The following SLC66A2 variants were observed in gnomAD, a reference collection of about 807,000 sequenced individuals.
SLC66A2 encodes PQ loop repeat containing 1.
Under a neutral mutation model 25.5 loss-of-function variants are expected in SLC66A2, and 23 were observed. The ratio of observed to expected loss-of-function variants is 0.90; its 90% CI spans 0.65 to 1.28. The LOEUF is 1.28. Ranked by LOEUF, SLC66A2 falls within the 50% of genes most tolerant of loss-of-function variation. The probability of loss-of-function intolerance (pLI) is 0.00; values close to 1 mark genes in which losing one functional copy is unlikely to be tolerated. For missense variants in SLC66A2, 396 were observed against 373.1 expected, an observed-to-expected ratio of 1.06 and a Z score of -0.51; for synonymous variants, 193 against 166.5, an observed-to-expected ratio of 1.16 and a Z score of -1.23.
chr18:79,925,808 C>T (rs566861902), intron 4 of SLC66A2, among the ~76,000 whole-genome samples: 11 of 152,344 alleles, frequency 7.2e-5, no homozygotes, highest in Admixed American at 2.0e-4. Flanking sequence ...TGATGGCCAA[C>T]GTGTCCAAGG....
chr18:79,944,513 AGTCTCTGCCTCCCTGCG>A (rs1365258248), intron 2 of SLC66A2: 3 of 152,380 alleles, frequency 2.0e-5, no homozygotes, highest in Admixed American at 6.5e-5. Flanking sequence ...AATGACTGGC[AGTCTCTGCCTCCCTGCG>A]GTCTCTGCCT....
chr18:79,903,462 GAGA>G lies in SLC66A2; in HGVS notation c.*511_*513del, dbSNP rs1981534431. On this transcript the variant is annotated 3_prime_UTR_variant, in exon 6 of 6. Coordinates refer to ENST00000397778, the MANE Select transcript of SLC66A2 (RefSeq NM_025078.5). ...GCCGCCTTTCCGTGTGTACCAGGCA[GAGA>G]AAGCCCCAGCCCTCCCCCGTGCCAG... 1 of 157,822 alleles carries G rather than the reference GAGA, an allele frequency of 6.3e-6. No individual in the cohort carries two copies. The highest frequency in any genetic ancestry group is 2.4e-5 in the African/African-American group (1 of 41,526). 9.8% of individuals were successfully genotyped at this position (157,822 alleles called of 1,614,324 possible).
At chr18:79,950,004 T>C (rs974645213) in intron 2 of SLC66A2, among the ~76,000 whole-genome samples, 1 of 152,040 alleles carries the variant, frequency 6.6e-6, no homozygotes, top group African/African-American at 2.4e-5. Flanking sequence ...AAAGAGGAAG[T>C]TGGGGAGAGG....
In SLC66A2 at chr18:79,950,604, G is replaced by A. The variant is rs547767089; in HGVS notation, c.203+120C>T. On this transcript the variant is annotated intron_variant, in intron 2 of 5. Coordinates refer to ENST00000397778, the MANE Select transcript of SLC66A2 (RefSeq NM_025078.5). ...AGCCACGTACCCCATCCACGGCAGA[G>A]TGGGACGCTGGCCCAGCAGGGAGGT... 6.8e-4 allele frequency: 624 copies of A among 912,374 alleles called. 2 individuals are homozygous for A. The African/African-American group carries it at 9.1e-3, about 13-fold the overall frequency. 56.5% of individuals were successfully genotyped at this position (912,374 alleles called of 1,614,324 possible).
chr18:79,923,418 G>A (rs1396736234), intron 4 of SLC66A2, among the ~76,000 whole-genome samples: 1 of 152,094 alleles, frequency 6.6e-6, no homozygotes, highest in African/African-American at 2.4e-5. Context: ...GACGCCAGGT[G>A]AGGGTTTAAG....
rs1345335740 is a variant in SLC66A2, at chr18:79,923,239, G to GA, written c.392-3840_392-3839insT. Among the ~76,000 whole-genome samples, 9 of 123,194 alleles carry GA rather than the reference G, an allele frequency of 7.3e-5. 1 individual carries two copies. The highest frequency in any genetic ancestry group is 2.4e-4 in the African/African-American group (8 of 33,770). 80.8% of individuals were successfully genotyped at this position (123,194 alleles called of 152,430 possible). On this transcript the variant is annotated intron_variant, in intron 4 of 5. Coordinates refer to ENST00000397778, the MANE Select transcript of SLC66A2 (RefSeq NM_025078.5). ...ACGGTGAGGGGGTGGATGGGGGGGG[G>GA]CCGTGGACGGGTGGGTGGAGGACGG...
chr18:79,936,013 GAC>G (rs1437182979), intron 3 of SLC66A2, among the ~76,000 whole-genome samples: 1 of 152,254 alleles, frequency 6.6e-6, no homozygotes, highest in African/African-American at 2.4e-5. Context: ...GAACAAGAGA[GAC>G]ACAACAAGTT....
intron 3 of SLC66A2, among the ~76,000 whole-genome samples, chr18:79,936,015 C>G (rs1987048448): frequency 6.6e-6 from 1 of 152,220 alleles, no homozygotes; most frequent in Admixed American, 6.5e-5. Context: ...ACAAGAGAGA[C>G]ACAACAAGTT....
intron 5 of SLC66A2, among the ~76,000 whole-genome samples, chr18:79,914,657 C>T (rs940365421): frequency 2.6e-5 from 4 of 152,210 alleles, no homozygotes; most frequent in African/African-American, 4.8e-5. Flanking sequence ...TGGACCCATG[C>T]GGAGAAGCCA....
At chr18:79,950,014 G>T (rs957334046) in intron 2 of SLC66A2, among the ~76,000 whole-genome samples, 2 of 152,114 alleles carry the variant, frequency 1.3e-5, no homozygotes, top group Non-Finnish European at 2.9e-5. Context: ...TTGGGGAGAG[G>T]AACAAGACAG....
chr18:79,929,732 T>C (rs529175080), intron 4 of SLC66A2, among the ~76,000 whole-genome samples: 3 of 152,106 alleles, frequency 2.0e-5, no homozygotes, highest in African/African-American at 7.2e-5. Flanking sequence ...ACTGATCACA[T>C]AGAGGTTATC....
chr18:79,933,126 T>C (rs1236607897), intron 4 of SLC66A2, among the ~76,000 whole-genome samples: 2 of 152,164 alleles, frequency 1.3e-5, no homozygotes, highest in East Asian at 1.9e-4. Context: ...ATCCCAAGAA[T>C]GCAAGGTTGG....
chr18:79,940,648 C>T lies in SLC66A2; in HGVS notation c.337+2681G>A, dbSNP rs1008448088. ...AAGCCAGAGCTTTCAGTCTGAACTCCAGTGATGTTCCTGCCTTGCCCTCCC... is the reference window on the plus strand; with the variant it reads ...AAGCCAGAGCTTTCAGTCTGAACTCTAGTGATGTTCCTGCCTTGCCCTCCC... On this transcript the variant is annotated intron_variant, in intron 3 of 5. Coordinates refer to ENST00000397778, the MANE Select transcript of SLC66A2 (RefSeq NM_025078.5). This position sits in a 1 kb window ranked among gnomAD's most constrained non-coding sequence, Gnocchi z 4.1. 1.3e-5 allele frequency among the ~76,000 whole-genome samples: 2 copies of T among 152,068 alleles called. No homozygotes were observed. The highest frequency in any genetic ancestry group is 6.5e-5 in the Admixed American group (1 of 15,278).
At position 79,950,943 on chromosome 18, in the gene SLC66A2, C is replaced by A. The variant is rs2051100529; in HGVS notation, c.-17G>T. 1.2e-5 allele frequency: 18 copies of A among 1,524,858 alleles called. No homozygotes were observed. Among genetic ancestry groups the A allele is most frequent in the Non-Finnish European group, 1.5e-5 (17 of 1,132,448 alleles). 94.5% of individuals were successfully genotyped at this position (1,524,858 alleles called of 1,614,324 possible). The stretch of plus-strand genomic sequence containing the variant: ...GGCCTCCATCGCAGCGCCCGCCTGG[C>A]CGAGGCTGTCACGGGCTCCGCGCCC... On this transcript the variant is annotated 5_prime_UTR_variant, in exon 2 of 6. Coordinates refer to ENST00000397778, the MANE Select transcript of SLC66A2 (RefSeq NM_025078.5).
At chr18:79,924,777 G>A (rs1985729703) in intron 4 of SLC66A2, 1 of 152,196 alleles carries the variant, frequency 6.6e-6, no homozygotes, top group Non-Finnish European at 1.5e-5. Flanking sequence ...TTCTGATGCT[G>A]AAGTTGAAAA....
chr18:79,938,956 A>G (rs933312418), intron 3 of SLC66A2, among the ~76,000 whole-genome samples: 1 of 152,242 alleles, frequency 6.6e-6, no homozygotes, highest in East Asian at 1.9e-4. Context: ...GATTACAGGC[A>G]TGAGCCGCTG....
Position 79,950,903 on chromosome 18 carries a change from C to G in SLC66A2, c.24G>C (p.Trp8Cys). The change falls in exon 2 of 6, where the codon TGG becomes TGC. Residue 8 changes from tryptophan (W) to cysteine (C), a missense_variant. Coordinates refer to ENST00000397778, the MANE Select transcript of SLC66A2 (RefSeq NM_025078.5). MEAEGLD[W>C]LLVPLHQLVS... is the part of the protein sequence containing the mutation. ...CCAGCTGGTGCAGTGGCACCAGGAG[C>G]CAGTCCAGGCCCTCGGCCTCCATCG... The G allele has an allele frequency of 6.3e-7, 1 of 1,586,484 alleles. No homozygotes were observed. The highest frequency in any genetic ancestry group is 8.6e-7 in the Non-Finnish European group (1 of 1,167,318).
In SLC66A2 at chr18:79,937,806, A is replaced by T. The variant is rs1023676399; in HGVS notation, c.338-3784T>A. On this transcript the variant is annotated intron_variant, in intron 3 of 5. Coordinates refer to ENST00000397778, the MANE Select transcript of SLC66A2 (RefSeq NM_025078.5). This position sits in a 1 kb window ranked among gnomAD's most constrained non-coding sequence, Gnocchi z 5.4. ...TTGTCCTTGTCCACATCCCAGGGAC[A>T]TAAAGACACGAGGAAACACCAGGAG... Among the ~76,000 whole-genome samples the T allele has an allele frequency of 7.2e-5, 11 of 152,322 alleles. No individual in the cohort carries two copies. In the East Asian group the frequency reaches 1.9e-3, roughly 27 times the overall value.
At position 79,919,182 on chromosome 18, in the gene SLC66A2, A is replaced by C. The variant is rs1984663677; in HGVS notation, c.608+2T>G. 1 of 1,612,696 alleles carries C rather than the reference A, an allele frequency of 6.2e-7. No individual in the cohort carries two copies. The highest frequency in any genetic ancestry group is 2.2e-5 in the East Asian group (1 of 44,876). Reference sequence around the variant, plus strand: ...GCTTCCGTGGCGGCATCCCCGGCCTACCTCATGCCCTCCGTGGACTGGTGG... The same window carrying C: ...GCTTCCGTGGCGGCATCCCCGGCCTCCCTCATGCCCTCCGTGGACTGGTGG... On this transcript the variant is annotated splice_donor_variant, in intron 5 of 5. Coordinates refer to ENST00000397778, the MANE Select transcript of SLC66A2 (RefSeq NM_025078.5). LOFTEE classifies it high-confidence loss of function.
Sources: allele counts gnomAD v4.1 joint callset (sites outside exome capture counted in the v4.1 genomes callset), GRCh38; gene constraint gnomAD v4.1.1; non-coding constraint Gnocchi (gnomAD v3.1); transcripts MANE v1.5; gene names NCBI Gene and HGNC (gene_info 2026-07-23, HGNC 2026-07-21).